Variants in SLC35A3 observed in about 807,000 individuals in gnomAD.
The protein encoded by SLC35A3 is UDP-N-acetylglucosamine transporter.
SLC35A3 carries 26 observed loss-of-function variants against 39.0 expected under a neutral mutation model. The observed-to-expected ratio is 0.67, with a 90% CI of 0.49 to 0.92. The LOEUF (loss-of-function observed/expected upper bound fraction) is 0.92. Among genes scored for constraint, SLC35A3 ranks in the 40% least tolerant of loss-of-function variants. The pLI is 0.00. For synonymous variants in SLC35A3, 135 were observed against 133.1 expected, an observed-to-expected ratio of 1.01 and a Z score of -0.10; for missense variants, 299 against 371.6, an observed-to-expected ratio of 0.80 and a Z score of 1.61.
At chr1:100,013,966 C>T (rs1357070023) in intron 5 of SLC35A3, among the ~76,000 whole-genome samples, 3 of 152,144 alleles carry the variant, frequency 2.0e-5, no homozygotes, top group Non-Finnish European at 4.4e-5. Flanking sequence ...AAGAAGTGGT[C>T]CATGTAAGCA....
At chr1:100,013,953 C>T (rs988475950) in intron 5 of SLC35A3, among the ~76,000 whole-genome samples, 2 of 152,116 alleles carry the variant, frequency 1.3e-5, no homozygotes, top group Non-Finnish European at 2.9e-5. Flanking sequence ...AAAGGTGACC[C>T]ATAAGAAGTG....
intron 1 of SLC35A3, among the ~76,000 whole-genome samples, chr1:99,986,408 T>C (rs1353050381): frequency 6.6e-6 from 1 of 151,908 alleles, no homozygotes; most frequent in East Asian, 1.9e-4. Context: ...TCAAGTGATC[T>C]GCCTGCCCCT....
intron 7 of SLC35A3, 29 bp from the exon 8 acceptor site, chr1:100,022,357 C>G: frequency 8.2e-7 from 1 of 1,220,256 alleles, no homozygotes. Flanking sequence ...CTGATTTTCT[C>G]TTTTTTATTT....
intron 2 of SLC35A3, among the ~76,000 whole-genome samples, chr1:99,995,555 C>G (rs189052452): frequency 3.3e-5 from 5 of 152,124 alleles, no homozygotes; most frequent in Admixed American, 3.3e-4. Flanking sequence ...GGAATAATTG[C>G]TAGGTTTTTA....
At chr1:100,014,522 T>A (rs1407835558) in intron 5 of SLC35A3, among the ~76,000 whole-genome samples, 2 of 152,164 alleles carry the variant, frequency 1.3e-5, no homozygotes. Flanking sequence ...GTGCCCACTC[T>A]CAAAACTTCT....
intron 6 of SLC35A3, among the ~76,000 whole-genome samples, chr1:100,016,063 A>AT (rs570217343): frequency 0.013 from 1,704 of 130,280 alleles, 23 homozygotes; most frequent in East Asian, 0.026. Context: ...GGATACTTCT[A>AT]TTTTTTTTTT....
chr1:100,034,444 T>TG lies in SLC35A3; in HGVS notation c.*11970dup, dbSNP rs1661395539. 1.3e-5 allele frequency: 2 copies of TG among 152,240 alleles called. No homozygotes were observed. Among genetic ancestry groups the TG allele is most frequent in the Admixed American group, 1.3e-4 (2 of 15,278 alleles). 9.4% of individuals were successfully genotyped at this position (152,240 alleles called of 1,614,324 possible). A position where few individuals can be genotyped will look rare whatever the true frequency, so the allele number is the denominator to read the frequency against. The stretch of plus-strand genomic sequence containing the variant: ...TATGTGCAATTAATGATATTCATGT[T>TG]GGAGTGTTGTATATTATTTGCCTCT... On this transcript the variant is annotated 3_prime_UTR_variant, in exon 8 of 8. Coordinates refer to ENST00000533028, the MANE Select transcript of SLC35A3 (RefSeq NM_012243.3).
rs1557832812 is a variant in SLC35A3 at position 99,997,413 on chromosome 1, TATATATATATATA to T, written c.188-1847_188-1835del. On this transcript the variant is annotated intron_variant, in intron 2 of 7. Transcript: ENST00000533028. Reference sequence around the variant, plus strand: ...GTTATATGTTTTATATATAGTTTTATATATATATATATATATATATATATATATATATATATAT... The same window carrying T: ...GTTATATGTTTTATATATAGTTTTATTATATATATATATATATATATATAT... 5.5e-4 allele frequency among the ~76,000 whole-genome samples: 8 copies of T among 14,556 alleles called. No homozygotes were observed. In the East Asian group the frequency reaches 0.024, roughly 44 times the overall value. The allele number at this position is 14,556 out of a possible 152,430, so 9.5% of individuals were successfully genotyped here.
At chr1:99,975,993 G>T (rs977663374) in intron 1 of SLC35A3, among the ~76,000 whole-genome samples, 1 of 152,190 alleles carries the variant, frequency 6.6e-6, no homozygotes, top group Non-Finnish European at 1.5e-5. Flanking sequence ...CCAGTAGGTT[G>T]AGGCTGCAGC....
At chr1:99,981,317 T>C (rs1323236083) in intron 1 of SLC35A3, among the ~76,000 whole-genome samples, 1 of 152,202 alleles carries the variant, frequency 6.6e-6, no homozygotes, top group Non-Finnish European at 1.5e-5. Flanking sequence ...CTGATATTGT[T>C]ACTAAGGGAG....
chr1:100,011,217 G>A (rs1046874139), intron 4 of SLC35A3, 148 bp from the exon 5 acceptor site: 1 of 402,008 alleles, frequency 2.5e-6, no homozygotes, highest in Admixed American at 4.4e-5. Flanking sequence ...TCAAATGATT[G>A]TAAGGTTTTA....
intron 3 of SLC35A3, 59 bp from the exon 4 acceptor site, chr1:100,006,975 C>A: frequency 6.6e-7 from 1 of 1,518,332 alleles, no homozygotes; most frequent in African/African-American, 1.4e-5. Context: ...TAATAGTACT[C>A]TTAAGGAACA....
At chr1:99,999,195 T>C in intron 2 of SLC35A3, 66 bp from the exon 3 acceptor site, 1 of 1,036,222 alleles carries the variant, frequency 9.7e-7, no homozygotes, top group Non-Finnish European at 1.3e-6. Context: ...AATTGAGATC[T>C]TGAGAGCAGA....
At position 99,992,259 on chromosome 1, in the gene SLC35A3, A is replaced by G. The variant is rs186263875; in HGVS notation, c.-18-1278A>G. On this transcript the variant is annotated intron_variant, in intron 1 of 7. Transcript: ENST00000533028. ...TTTGAAGGTATGTTATTAGGCACATATGTGTTTTAAAATGGTTATATTTTT... is the reference window on the plus strand; with the variant it reads ...TTTGAAGGTATGTTATTAGGCACATGTGTGTTTTAAAATGGTTATATTTTT... 5.9e-5 allele frequency among the ~76,000 whole-genome samples: 9 copies of G among 152,214 alleles called. No individual in the cohort carries two copies. In the East Asian group the frequency reaches 1.5e-3, roughly 26 times the overall value.
In SLC35A3 at chr1:100,022,276, T is replaced by C; in HGVS notation, c.888-110T>C. ...ACTCAAGATTTGTTAGCCGTGTTAC[T>C]GGAACATTTTTCCCCACATTATAAT... is the stretch of plus-strand genomic sequence containing the variant. On this transcript the variant is annotated intron_variant, in intron 7 of 7. Transcript: ENST00000533028. 3 of 591,056 alleles carry C rather than the reference T, an allele frequency of 5.1e-6. No individual in the cohort carries two copies. The South Asian group carries it at 7.1e-5, about 14-fold the overall frequency. 36.6% of individuals were successfully genotyped at this position (591,056 alleles called of 1,614,324 possible). A position where few individuals can be genotyped will look rare whatever the true frequency, so the allele number is the denominator to read the frequency against.
chr1:99,973,439 G>A (rs1241321851), intron 1 of SLC35A3, among the ~76,000 whole-genome samples: 1 of 152,176 alleles, frequency 6.6e-6, no homozygotes, highest in Non-Finnish European at 1.5e-5. Context: ...AAGGAGTGTA[G>A]TGGTTATATA....
chr1:99,970,448 ACGG>A, intron 1 of SLC35A3: 3 of 824,592 alleles, frequency 3.6e-6, no homozygotes, highest in Non-Finnish European at 3.8e-6. Flanking sequence ...GCGAATGAAG[ACGG>A]CAGTGTGTGC....
At chr1:100,012,317 T>G (rs995331448) in intron 5 of SLC35A3, among the ~76,000 whole-genome samples, 5 of 151,948 alleles carry the variant, frequency 3.3e-5, no homozygotes, top group Admixed American at 2.6e-4. Flanking sequence ...AAGAAAGAAA[T>G]AAGGTTTGTG....
At chr1:99,988,706 TCTC>T (rs1657898193) in intron 1 of SLC35A3, among the ~76,000 whole-genome samples, 1 of 146,990 alleles carries the variant, frequency 6.8e-6, no homozygotes, top group South Asian at 2.2e-4. Flanking sequence ...TACCTGTCTT[TCTC>T]CCCTTGGTCT....
Sources: gnomAD v4.1 joint callset for allele counts (sites outside exome capture counted in the v4.1 genomes callset) on GRCh38, gnomAD v4.1.1 for gene constraint, MANE v1.5 for transcripts, NCBI Gene and HGNC (gene_info 2026-07-23, HGNC 2026-07-21) for gene names.